Variants in RHCG observed in about 807,000 individuals in gnomAD.
RHCG encodes the protein ammonium transporter Rh type C.
In RHCG, 39 loss-of-function variants were observed where a neutral mutation model predicts 55.3. That is an observed-to-expected ratio of 0.70 (90% CI 0.55 to 0.92). The LOEUF (loss-of-function observed/expected upper bound fraction) is 0.92, where lower values mean the gene tolerates loss of function less well. Ranked by LOEUF, RHCG falls within the 40% of genes least tolerant of loss-of-function variation. The pLI is 0.00. For synonymous variants in RHCG, 250 were observed against 246.8 expected (o/e 1.01, Z -0.12); for missense variants, 635 against 627.9 (o/e 1.01, Z -0.12).
At chr15:89,493,908 A>T (rs906991568) in intron 1 of RHCG, among the ~76,000 whole-genome samples, 1 of 152,186 alleles carries the variant, frequency 6.6e-6, no homozygotes, top group African/African-American at 2.4e-5. Context: ...GGTGATGATT[A>T]AAGGAGAGAA....
At chr15:89,484,535 A>C (rs1961324447) in intron 2 of RHCG, among the ~76,000 whole-genome samples, 1 of 152,092 alleles carries the variant, frequency 6.6e-6, no homozygotes, top group Non-Finnish European at 1.5e-5. Flanking sequence ...TAATCCCAGC[A>C]CTTTGGGAGG....
chr15:89,472,204 C>A (rs1265434226), intron 10 of RHCG, among the ~76,000 whole-genome samples: 1 of 152,188 alleles, frequency 6.6e-6, no homozygotes, highest in Non-Finnish European at 1.5e-5. Flanking sequence ...ATTCTACTTG[C>A]CTTGTAGAGA....
intron 1 of RHCG, among the ~76,000 whole-genome samples, chr15:89,494,129 C>T (rs1961524446): frequency 6.6e-6 from 1 of 152,074 alleles, no homozygotes; most frequent in Non-Finnish European, 1.5e-5. Flanking sequence ...CACACAGAAC[C>T]ACTGCCCCTC....
At chr15:89,495,376 T>C (rs1207200619) in intron 1 of RHCG, among the ~76,000 whole-genome samples, 1 of 152,220 alleles carries the variant, frequency 6.6e-6, no homozygotes, top group Non-Finnish European at 1.5e-5. Context: ...AGGCGGCTGC[T>C]GGAGAGGGGC....
chr15:89,493,011 G>A (rs539910789), intron 1 of RHCG, among the ~76,000 whole-genome samples: 12 of 152,300 alleles, frequency 7.9e-5, no homozygotes, highest in South Asian at 6.2e-4. Flanking sequence ...TCACTGTGGC[G>A]AGGTGGTTGG....
chr15:89,480,833 G>A (rs1961253300), intron 3 of RHCG, among the ~76,000 whole-genome samples: 1 of 152,256 alleles, frequency 6.6e-6, no homozygotes, highest in South Asian at 2.1e-4. Context: ...GATTCATGCA[G>A]GCAACTTGCC....
At chr15:89,493,761 G>A (rs2141904236) in intron 1 of RHCG, among the ~76,000 whole-genome samples, 1 of 152,250 alleles carries the variant, frequency 6.6e-6, no homozygotes, top group Middle Eastern at 3.4e-3. Context: ...CCAGGAGTGT[G>A]GGCTCAGACC....
At chr15:89,486,566 G>GAC (rs751255939) in intron 2 of RHCG, 32 of 236,218 alleles carry the variant, frequency 1.4e-4, no homozygotes, top group African/African-American at 2.7e-4. Context: ...GAGAGAGACA[G>GAC]AGAGAGAGAG....
chr15:89,477,575 C>T lies in RHCG; in HGVS notation c.1054G>A (p.Gly352Ser), dbSNP rs139788541. ...GCCGCTGTCACAGCACCCACGATGC[C>T]GCCTATGATGCCAGGAATGCCATGC... Reference protein sequence around the residue: ...NLHGIPGIIGGIVGAVTAASA... With the variant: ...NLHGIPGIIGSIVGAVTAASA... The change falls in exon 7 of 11, where the codon GGC becomes AGC. Residue 352 changes from glycine to serine, a missense_variant. Physicochemically the swap from Gly to Ser is moderately conservative, Grantham distance 56. Coordinates refer to ENST00000268122, the MANE Select transcript of RHCG (RefSeq NM_016321.3). The surrounding 1 kb of genome is among the most constrained non-coding windows in gnomAD (Gnocchi z 4.5). 4.6e-4 allele frequency: 737 copies of T among 1,614,104 alleles called. 12 individuals carry two copies. The East Asian group carries it at 0.015, about 34-fold the overall frequency.
chr15:89,486,897 G>C lies in RHCG; in HGVS notation c.273C>G (p.Phe91Leu), dbSNP rs761017965. The change falls in exon 2 of 11, where the codon TTC (phenylalanine) becomes TTG (leucine). Residue 91 changes from phenylalanine (F) to leucine (L), a missense_variant. By Grantham distance (22) the Phe-to-Leu change is conservative. Coordinates refer to ENST00000268122, the MANE Select transcript of RHCG (RefSeq NM_016321.3). ...LQRYGFSAVG[F>L]NFLLAAFGIQ... ...TGCCGAAGGCTGCCAACAGGAAGTT[G>C]AAGCCCACGGCGCTGAAGCCGTAGC... 6.2e-6 allele frequency: 10 copies of C among 1,613,036 alleles called. No homozygotes were observed. Among genetic ancestry groups the C allele is most frequent in the Admixed American group, 1.7e-5 (1 of 59,954 alleles).
chr15:89,487,096 C>T (rs2141898789), intron 1 of RHCG, 111 bp from the exon 2 acceptor site: 4 of 983,614 alleles, frequency 4.1e-6, no homozygotes, highest in East Asian at 2.9e-5. Flanking sequence ...GCCACTGGCG[C>T]GTCTCCCTGC....
chr15:89,481,561 CCCAG>C (rs1961267397), intron 3 of RHCG, among the ~76,000 whole-genome samples: 1 of 152,048 alleles, frequency 6.6e-6, no homozygotes. Flanking sequence ...TGATGTGGGA[CCCAG>C]CTTTGTGCCT....
intron 2 of RHCG, among the ~76,000 whole-genome samples, chr15:89,483,574 C>T (rs1961307879): frequency 6.6e-6 from 1 of 152,158 alleles, no homozygotes; most frequent in South Asian, 2.1e-4. Context: ...ACCTGCTTTT[C>T]CAGAACCTCC....
At chr15:89,472,427 C>T (rs1472201596) in intron 10 of RHCG, among the ~76,000 whole-genome samples, 1 of 152,188 alleles carries the variant, frequency 6.6e-6, no homozygotes, top group Non-Finnish European at 1.5e-5. Context: ...CACACACCAG[C>T]AGGCACAGTC....
In RHCG at chr15:89,486,783, C is replaced by A. The variant is rs752722803; in HGVS notation, c.371+16G>T. 2 of 1,573,864 alleles carry A rather than the reference C, an allele frequency of 1.3e-6. No individual in the cohort carries two copies. Among genetic ancestry groups the A allele is most frequent in the African/African-American group, 1.3e-5 (1 of 74,304 alleles). On this transcript the variant is annotated intron_variant, in intron 2 of 10. Coordinates refer to ENST00000268122, the MANE Select transcript of RHCG (RefSeq NM_016321.3). The stretch of plus-strand genomic sequence containing the variant: ...CTCCCAGTCCGCCACGCCCCCGGGG[C>A]CCGCCCTGCGCTCACTTCTCCACGC...
At chr15:89,490,717 G>A (rs1961458107) in intron 1 of RHCG, among the ~76,000 whole-genome samples, 1 of 151,956 alleles carries the variant, frequency 6.6e-6, no homozygotes, top group African/African-American at 2.4e-5. Flanking sequence ...AAGGCAGTGG[G>A]AAGAGGTTGC....
intron 2 of RHCG, among the ~76,000 whole-genome samples, chr15:89,483,552 C>T (rs1400328824): frequency 2.6e-5 from 4 of 152,118 alleles, no homozygotes; most frequent in Non-Finnish European, 5.9e-5. Context: ...CCTTCCCTGC[C>T]CTGTAGCTTC....
intron 5 of RHCG, among the ~76,000 whole-genome samples, chr15:89,478,566 A>C (rs928106750): frequency 1.3e-5 from 2 of 152,172 alleles, no homozygotes; most frequent in African/African-American, 2.4e-5. Context: ...AAGAGGCAGA[A>C]AGGTGTCTTG....
chr15:89,477,907 A>G lies in RHCG; in HGVS notation c.905T>C (p.Met302Thr). ...AVGTAAEMML[M>T]PYGALIIGFV... The stretch of plus-strand genomic sequence containing the variant: ...GCCGATGATGAGGGCACCGTAAGGC[A>G]TGAGCATCATCTCAGCAGCGGTACC... The change falls in exon 6 of 11, where the codon ATG (methionine) becomes ACG (threonine). Residue 302 changes from methionine (M) to threonine (T), a missense_variant. By Grantham distance (81) the Met-to-Thr change is moderately conservative. Transcript: ENST00000268122. The surrounding 1 kb of genome is among the most constrained non-coding windows in gnomAD (Gnocchi z 4.5). 1 of 1,614,018 alleles carries G rather than the reference A, an allele frequency of 6.2e-7. No homozygotes were observed. The highest frequency in any genetic ancestry group is 8.5e-7 in the Non-Finnish European group (1 of 1,179,978).
Sources: gnomAD v4.1 joint callset for allele counts (sites outside exome capture counted in the v4.1 genomes callset) on GRCh38, gnomAD v4.1.1 for gene constraint, Gnocchi (gnomAD v3.1) non-coding constraint, MANE v1.5 for transcripts, NCBI Gene and HGNC (gene_info 2026-07-23, HGNC 2026-07-21) for gene names.